CNTN5: variants seen among roughly 807,000 people sequenced by gnomAD.
CNTN5 encodes the protein contactin-5.
In CNTN5, 77 loss-of-function variants were observed where a neutral mutation model predicts 129.1. The ratio of observed to expected loss-of-function variants is 0.60; its 90% CI spans 0.50 to 0.72. The LOEUF (loss-of-function observed/expected upper bound fraction) is 0.72, where lower values mean the gene tolerates loss of function less well. CNTN5 is among the 30% of genes least tolerant of loss of function. CNTN5 has a pLI of 0.00. For missense variants in CNTN5, 1,478 were observed against 1,328.8 expected (o/e 1.11, Z -1.75); for synonymous variants, 509 against 465.6 (o/e 1.09, Z -1.20).
At chr11:99,065,655 C>T (rs1865070204) in intron 1 of CNTN5, among the ~76,000 whole-genome samples, 1 of 151,820 alleles carries the variant, frequency 6.6e-6, no homozygotes, top group Non-Finnish European at 1.5e-5. Context: ...AGTAATTTTA[C>T]CAAAAAGTTT....
chr11:99,180,541 G>C (rs1196841559), intron 1 of CNTN5, among the ~76,000 whole-genome samples: 2 of 152,160 alleles, frequency 1.3e-5, no homozygotes, highest in Non-Finnish European at 2.9e-5. Flanking sequence ...CTAACATATA[G>C]GAATAGATTG....
chr11:99,950,483 G>A (rs1452211725), intron 7 of CNTN5, among the ~76,000 whole-genome samples: 1 of 149,460 alleles, frequency 6.7e-6, no homozygotes, highest in African/African-American at 2.4e-5. Flanking sequence ...TCCGTCTCAA[G>A]TAAAAAAAAT....
rs1555089267 is a variant in CNTN5, at chr11:99,727,321, A to AAAAAAAAAAG, written c.56-92214_56-92213insGAAAAAAAAA. Reference sequence around the variant, plus strand: ...GAGCGAGACTCCGTCTCAAAAAAAAAAAAAAAAAAAAAATTCCAGGGCATT... The same window carrying AAAAAAAAAAG: ...GAGCGAGACTCCGTCTCAAAAAAAAAAAAAAAAAAGAAAAAAAAAAAAATTCCAGGGCATT... On this transcript the variant is annotated intron_variant, in intron 3 of 24. Transcript: ENST00000524871. Among the ~76,000 whole-genome samples, 50 of 123,410 alleles carry AAAAAAAAAAG rather than the reference A, an allele frequency of 4.1e-4. 4 individuals are homozygous for AAAAAAAAAAG. The highest frequency in any genetic ancestry group is 1.4e-3 in the African/African-American group (49 of 34,232). 81.0% of individuals were successfully genotyped at this position (123,410 alleles called of 152,430 possible). A position where few individuals can be genotyped will look rare whatever the true frequency, so the allele number is the denominator to read the frequency against.
chr11:99,059,792 T>A (rs2135206576), intron 1 of CNTN5, among the ~76,000 whole-genome samples: 1 of 152,244 alleles, frequency 6.6e-6, no homozygotes, highest in Admixed American at 6.6e-5. Flanking sequence ...TATTAAGGGA[T>A]TCTACATATC....
intron 18 of CNTN5, among the ~76,000 whole-genome samples, chr11:100,289,530 G>A (rs953735115): frequency 5.9e-5 from 9 of 152,104 alleles, no homozygotes; most frequent in African/African-American, 1.7e-4. Flanking sequence ...CTCAATAGCA[G>A]CAGAAAAAGC....
At chr11:99,762,578 A>G (rs1193006833) in intron 3 of CNTN5, among the ~76,000 whole-genome samples, 1 of 151,792 alleles carries the variant, frequency 6.6e-6, no homozygotes, top group Non-Finnish European at 1.5e-5. Context: ...ATAGTTGTAG[A>G]TATGCGGCGT....
intron 13 of CNTN5, among the ~76,000 whole-genome samples, chr11:100,147,502 C>G (rs1463933444): frequency 5.3e-5 from 8 of 152,044 alleles, no homozygotes; most frequent in African/African-American, 1.9e-4. Context: ...CTGAATCATT[C>G]GAACCTGCAA....
intron 1 of CNTN5, among the ~76,000 whole-genome samples, chr11:99,189,455 C>G (rs1858521092): frequency 6.6e-6 from 1 of 151,496 alleles, no homozygotes; most frequent in Non-Finnish European, 1.5e-5. Flanking sequence ...TTTGAAGAAC[C>G]TCTGTGTAGT....
chr11:99,059,032 C>T (rs1473992868), intron 1 of CNTN5, among the ~76,000 whole-genome samples: 1 of 143,498 alleles, frequency 7.0e-6, no homozygotes, highest in African/African-American at 2.6e-5. Context: ...GCATATTATC[C>T]CTCCCTCCCT....
At chr11:100,038,141 G>A (rs1342517026) in intron 9 of CNTN5, among the ~76,000 whole-genome samples, 2 of 152,080 alleles carry the variant, frequency 1.3e-5, no homozygotes, top group African/African-American at 2.4e-5. Flanking sequence ...TACTTTGAAT[G>A]TGTCCCAGAG....
chr11:100,282,220 G>GT (rs1950656475), intron 18 of CNTN5, among the ~76,000 whole-genome samples: 2 of 152,132 alleles, frequency 1.3e-5, no homozygotes, highest in South Asian at 4.1e-4. Context: ...GGGCTTGTTT[G>GT]TAACCTGCCT....
intron 3 of CNTN5, among the ~76,000 whole-genome samples, chr11:99,596,923 T>C (rs1054012188): frequency 6.6e-6 from 1 of 152,130 alleles, no homozygotes; most frequent in Non-Finnish European, 1.5e-5. Context: ...CCTGTTCTGG[T>C]ATTATTATTA....
chr11:100,122,505 T>TA (rs1946058766), intron 13 of CNTN5, among the ~76,000 whole-genome samples: 2 of 152,058 alleles, frequency 1.3e-5, no homozygotes, highest in South Asian at 4.1e-4. Context: ...GCTATTTTTT[T>TA]ATTCCATTCA....
intron 18 of CNTN5, among the ~76,000 whole-genome samples, chr11:100,283,791 C>T (rs1186327614): frequency 1.3e-5 from 2 of 151,884 alleles, no homozygotes; most frequent in Non-Finnish European, 2.9e-5. Flanking sequence ...ACTGAAAATA[C>T]AAAAATTAGC....
chr11:99,547,304 G>A (rs950625788), intron 2 of CNTN5, among the ~76,000 whole-genome samples: 1 of 151,966 alleles, frequency 6.6e-6, no homozygotes, highest in Admixed American at 6.6e-5. Context: ...GCGCCTGGTC[G>A]AAAATTATTT....
In CNTN5 at chr11:99,710,573, G is replaced by GCA. The variant is rs1300331283; in HGVS notation, c.56-108971_56-108970insCA. Among the ~76,000 whole-genome samples the GCA allele has an allele frequency of 2.8e-3, 174 of 61,914 alleles. 1 individual carries two copies. Among genetic ancestry groups the GCA allele is most frequent in the Admixed American group, 8.2e-3 (36 of 4,404 alleles). 40.6% of individuals were successfully genotyped at this position (61,914 alleles called of 152,430 possible). A position where few individuals can be genotyped will look rare whatever the true frequency, so the allele number is the denominator to read the frequency against. ...TGTGTGTGTGTGTGTGTGCATGTGT[G>GCA]TGTGTGTGTGTGTGTGTGTGTGTGT... On this transcript the variant is annotated intron_variant, in intron 3 of 24. Coordinates refer to ENST00000524871, the MANE Select transcript of CNTN5 (RefSeq NM_014361.4).
chr11:99,495,594 C>T (rs1030933998), intron 2 of CNTN5, among the ~76,000 whole-genome samples: 5 of 152,152 alleles, frequency 3.3e-5, no homozygotes, highest in African/African-American at 1.2e-4. Context: ...CAAAGTCACA[C>T]TAGCACATGC....
intron 6 of CNTN5, among the ~76,000 whole-genome samples, chr11:99,905,018 G>A (rs1198567484): frequency 6.6e-6 from 1 of 152,114 alleles, no homozygotes; most frequent in Admixed American, 6.6e-5. Flanking sequence ...ATTAGTTTAA[G>A]TTCTTTGTAG....
intron 9 of CNTN5, among the ~76,000 whole-genome samples, chr11:100,040,761 AG>A (rs1224700164): frequency 6.6e-6 from 1 of 152,194 alleles, no homozygotes; most frequent in African/African-American, 2.4e-5. Flanking sequence ...CTGTGGGCGT[AG>A]GACCCTCCTA....
Sources: allele counts gnomAD v4.1 joint callset (sites outside exome capture counted in the v4.1 genomes callset), GRCh38; gene constraint gnomAD v4.1.1; transcripts MANE v1.5; gene names NCBI Gene and HGNC (gene_info 2026-07-23, HGNC 2026-07-21).